GATA4: variants seen among roughly 807,000 people sequenced by gnomAD.
GATA4 encodes transcription factor GATA-4.
A neutral mutation model predicts 37.9 loss-of-function variants in GATA4; 7 were observed. That is an observed-to-expected ratio of 0.18 (90% confidence interval 0.11 to 0.35). The LOEUF (loss-of-function observed/expected upper bound fraction) is 0.35. Ranked by LOEUF, GATA4 falls within the 10% of genes least tolerant of loss-of-function variation. The pLI is 1.00. For synonymous variants in GATA4, 372 were observed against 292.6 expected (o/e 1.27, Z -2.77); for missense variants, 647 against 653.0 (o/e 0.99, Z 0.10).
intron 2 of GATA4, among the ~76,000 whole-genome samples, chr8:11,736,402 G>C (rs1801456016): frequency 6.6e-6 from 1 of 152,210 alleles, no homozygotes; most frequent in African/African-American, 2.4e-5. Context: ...AATGACTGTT[G>C]GCTAAGGCGT....
At chr8:11,700,270 G>A (rs1214943885), upstream of GATA4, among the ~76,000 whole-genome samples, 1 of 152,262 alleles carries the variant, frequency 6.6e-6, no homozygotes, top group Non-Finnish European at 1.5e-5. Context: ...GGGAGAAGAT[G>A]TATTCGCTTT....
rs903326170 is a variant in GATA4 at position 11,707,273 on chromosome 8, G to A, written c.-457-583G>A. 6.6e-6 allele frequency among the ~76,000 whole-genome samples: 1 copy of A among 151,828 alleles called. No homozygotes were observed. Among genetic ancestry groups the A allele is most frequent in the African/African-American group, 2.4e-5 (1 of 41,302 alleles). ...TTCAGAACCCTCTTCAGGAGGCTTA[G>A]CAGACACCGTTGTTCACTTATAAAC... On this transcript the variant is annotated intron_variant, in intron 1 of 6. Transcript: ENST00000532059. This position sits in a 1 kb window ranked among gnomAD's most constrained non-coding sequence, Gnocchi z 4.7.
intron 1 of GATA4, chr8:11,692,963 C>T: frequency 1.0e-6 from 1 of 985,274 alleles, no homozygotes; most frequent in Non-Finnish European, 1.2e-6. Flanking sequence ...GCCTGCCAGG[C>T]GCCGGCCCCG....
At chr8:11,695,143 C>G (rs1799466319) in intron 1 of GATA4, among the ~76,000 whole-genome samples, 1 of 152,206 alleles carries the variant, frequency 6.6e-6, no homozygotes, top group African/African-American at 2.4e-5. Flanking sequence ...CGGTGGCTCA[C>G]TCCTTTAATC....
At chr8:11,701,026 G>T (rs1799657343), upstream of GATA4, among the ~76,000 whole-genome samples, 1 of 152,082 alleles carries the variant, frequency 6.6e-6, no homozygotes, top group South Asian at 2.1e-4. Context: ...TTTTTGGGGG[G>T]AACCAGTGTT....
chr8:11,696,208 A>G (rs1799503693), intron 1 of GATA4, among the ~76,000 whole-genome samples: 1 of 152,158 alleles, frequency 6.6e-6, no homozygotes, highest in Non-Finnish European at 1.5e-5. Flanking sequence ...AAATTGTGTG[A>G]CCACCATCAC....
At chr8:11,695,639 C>T (rs529776281) in intron 1 of GATA4, among the ~76,000 whole-genome samples, 46 of 152,294 alleles carry the variant, frequency 3.0e-4, no homozygotes, top group African/African-American at 1.1e-3. Context: ...GACTGGTTCT[C>T]TCCGCTTCCC....
rs544866132 is a variant in GATA4 at position 11,731,453 on chromosome 8, G to A, written c.617-17463G>A. 9.2e-5 allele frequency among the ~76,000 whole-genome samples: 14 copies of A among 152,334 alleles called. 1 individual carries two copies. Among genetic ancestry groups the A allele is most frequent in the African/African-American group, 3.4e-4 (14 of 41,564 alleles). The stretch of plus-strand genomic sequence containing the variant: ...AACAGATGAATCCTGAAGACATTAC[G>A]CTAAGTGAAACAAGCCAGTCACCAA... On this transcript the variant is annotated intron_variant, in intron 2 of 6. Transcript: ENST00000532059.
chr8:11,744,540 T>A (rs1801937006), intron 2 of GATA4, among the ~76,000 whole-genome samples: 2 of 152,212 alleles, frequency 1.3e-5, no homozygotes, highest in Admixed American at 1.3e-4. Flanking sequence ...GAATGAGAAG[T>A]GGTGCTTACC....
upstream of GATA4, chr8:11,691,959 T>G: frequency 1.0e-6 from 1 of 953,458 alleles, no homozygotes; most frequent in East Asian, 1.2e-4. Flanking sequence ...AAATGCTCCA[T>G]GTTGCTTACA....
intron 2 of GATA4, among the ~76,000 whole-genome samples, chr8:11,716,662 C>T (rs1800446517): frequency 6.6e-6 from 1 of 152,220 alleles, no homozygotes; most frequent in Non-Finnish European, 1.5e-5. Context: ...CACAAACAGT[C>T]ACGTACTAGG....
intron 5 of GATA4, among the ~76,000 whole-genome samples, chr8:11,755,424 G>A (rs1226062047): frequency 6.6e-6 from 1 of 152,240 alleles, no homozygotes; most frequent in Non-Finnish European, 1.5e-5. Context: ...GCAGGAAAGA[G>A]GAACTTTACT....
intron 5 of GATA4, 167 bp from the exon 6 acceptor site, chr8:11,756,768 C>T: frequency 1.1e-6 from 1 of 870,562 alleles, no homozygotes; most frequent in Non-Finnish European, 1.9e-6. Context: ...GGGAAGAAGC[C>T]ATCCCTGTGA....
At chr8:11,689,676 C>G (rs1003334873), upstream of GATA4, among the ~76,000 whole-genome samples, 1 of 152,318 alleles carries the variant, frequency 6.6e-6, no homozygotes, top group African/African-American at 2.4e-5. Context: ...ACCTCATCCT[C>G]AAGCCCTCAC....
Position 11,758,593 on chromosome 8 carries a change from C to A in GATA4, c.*118C>A. The stretch of plus-strand genomic sequence containing the variant: ...CTGCCTGGTAATGACTCCAGAACAA[C>A]AACTGGGAAGAAACTTGAAGTCGAC... On this transcript the variant is annotated 3_prime_UTR_variant, in exon 7 of 7. Transcript: ENST00000532059. The A allele has an allele frequency of 4.1e-6, 4 of 984,532 alleles. No individual in the cohort carries two copies. Among genetic ancestry groups the A allele is most frequent in the Admixed American group, 1.9e-5 (1 of 53,912 alleles). 61.0% of individuals were successfully genotyped at this position (984,532 alleles called of 1,614,324 possible).
rs1473142359 is a variant in GATA4 at position 11,708,363 on chromosome 8, C to G, written c.51C>G (p.Ala17=). ...CCAACCACGGGCCGCCCCCCGGTGC[C>G]TACGAGGCGGGCGGCCCCGGCGCCT... ...MAANHGPPPG[A]YEAGGPGAFM... Residue 17 remains alanine (A), a synonymous_variant, in exon 2 of 7, where the codon GCC becomes GCG. Transcript: ENST00000532059. The surrounding 1 kb of genome is among the most constrained non-coding windows in gnomAD (Gnocchi z 6.7). The G allele has an allele frequency of 6.3e-7, 1 of 1,576,616 alleles. No individual in the cohort carries two copies.
At chr8:11,730,845 G>A (rs962365977) in intron 2 of GATA4, among the ~76,000 whole-genome samples, 3 of 152,220 alleles carry the variant, frequency 2.0e-5, no homozygotes, top group Non-Finnish European at 4.4e-5. Flanking sequence ...CGAGGCTGGC[G>A]GGACCTAGGT....
rs554887289 is a variant in GATA4, at chr8:11,756,781, A to C, written c.1001-154A>C. The C allele has an allele frequency of 2.0e-5, 19 of 972,506 alleles. No homozygotes were observed. In the African/African-American group the frequency reaches 2.9e-4, roughly 15 times the overall value. 60.2% of individuals were successfully genotyped at this position (972,506 alleles called of 1,614,324 possible). A position where few individuals can be genotyped will look rare whatever the true frequency, so the allele number is the denominator to read the frequency against. On this transcript the variant is annotated intron_variant, in intron 5 of 6. Transcript: ENST00000532059. ...GGGGGAAGAAGCCATCCCTGTGAGAACTGTAGCCCTCCGCAGATAAGGACC... is the reference window on the plus strand; with the variant it reads ...GGGGGAAGAAGCCATCCCTGTGAGACCTGTAGCCCTCCGCAGATAAGGACC...
Position 11,707,193 on chromosome 8 carries a change from G to A in GATA4, c.-457-663G>A, listed in dbSNP as rs1418152185. On this transcript the variant is annotated intron_variant, in intron 1 of 6. Coordinates refer to ENST00000532059, the MANE Select transcript of GATA4 (RefSeq NM_001308093.3). The surrounding 1 kb of genome is among the most constrained non-coding windows in gnomAD (Gnocchi z 4.7). ...ACGTCTAAATTGTAACTATTTGCAA[G>A]AAACCTGTAACTTGTCCGATTTGAC... Among the ~76,000 whole-genome samples, 1 of 152,194 alleles carries A rather than the reference G, an allele frequency of 6.6e-6. No homozygotes were observed. Among genetic ancestry groups the A allele is most frequent in the Admixed American group, 6.5e-5 (1 of 15,280 alleles).
Sources: gnomAD v4.1 joint callset for allele counts (sites outside exome capture counted in the v4.1 genomes callset) on GRCh38, gnomAD v4.1.1 for gene constraint, Gnocchi (gnomAD v3.1) non-coding constraint, MANE v1.5 for transcripts, NCBI Gene and HGNC (gene_info 2026-07-23, HGNC 2026-07-21) for gene names.